The following KPNA1 variants were observed in gnomAD, a reference collection of about 807,000 sequenced individuals.
KPNA1 encodes the protein importin subunit alpha-5.
Under a neutral mutation model 70.5 loss-of-function variants are expected in KPNA1, and 10 were observed. The ratio of observed to expected loss-of-function variants is 0.14; its 90% CI spans 0.09 to 0.24. KPNA1 has a LOEUF of 0.24. Among genes scored for constraint, KPNA1 ranks in the 10% least tolerant of loss-of-function variants. The pLI is 1.00. For missense variants in KPNA1, 397 were observed against 637.9 expected (o/e 0.62, Z 4.07); for synonymous variants, 192 against 221.9 (o/e 0.87, Z 1.20).
At chr3:122,512,812 A>T (rs1389864147) in intron 1 of KPNA1, among the ~76,000 whole-genome samples, 1 of 152,206 alleles carries the variant, frequency 6.6e-6, no homozygotes, top group Non-Finnish European at 1.5e-5. Flanking sequence ...GTTTTCATAA[A>T]TGTATGTTTT....
At chr3:122,439,048 A>G (rs1307269427) in intron 10 of KPNA1, among the ~76,000 whole-genome samples, 4 of 152,260 alleles carry the variant, frequency 2.6e-5, no homozygotes, top group Non-Finnish European at 4.4e-5. Flanking sequence ...AATGCAAATT[A>G]AAATGAAGTC....
intron 10 of KPNA1, among the ~76,000 whole-genome samples, chr3:122,437,971 T>C (rs1054023522): frequency 9.2e-5 from 14 of 152,252 alleles, no homozygotes; most frequent in South Asian, 2.1e-4. Flanking sequence ...CTTGTGGCTA[T>C]GACAGAACTG....
At position 122,465,117 on chromosome 3, in the gene KPNA1, T is replaced by C. The variant is rs183236198; in HGVS notation, c.238-1076A>G. Among the ~76,000 whole-genome samples the C allele has an allele frequency of 1.8e-3, 276 of 151,664 alleles. 1 individual carries two copies. Among genetic ancestry groups the C allele is most frequent in the Admixed American group, 3.4e-3 (51 of 15,132 alleles). The stretch of plus-strand genomic sequence containing the variant: ...GACTTTACATTACACTATTTAAGTA[T>C]TGTTAACTTTACATTATAATATTTA... On this transcript the variant is annotated intron_variant, in intron 3 of 13. Transcript: ENST00000344337.
chr3:122,444,536 C>T (rs2076110126), intron 9 of KPNA1, among the ~76,000 whole-genome samples: 2 of 152,186 alleles, frequency 1.3e-5, no homozygotes, highest in South Asian at 4.1e-4. Flanking sequence ...TCCATGAAAT[C>T]TTTACAATTT....
At chr3:122,436,945 T>A (rs978249725) in intron 11 of KPNA1, among the ~76,000 whole-genome samples, 1 of 152,018 alleles carries the variant, frequency 6.6e-6, no homozygotes, top group Non-Finnish European at 1.5e-5. Context: ...GACTGGCTAA[T>A]TTTTTTGTAT....
Position 122,425,592 on chromosome 3 carries a change from A to AT in KPNA1, c.*1392dup, listed in dbSNP as rs781412002. On this transcript the variant is annotated 3_prime_UTR_variant, in exon 14 of 14. Transcript: ENST00000344337. ...TGCAGTTGTCTTGGCAATTAAGCGTATTTTTTCATTCCAGTCCAAGCACAA... is the reference window on the plus strand; with the variant it reads ...TGCAGTTGTCTTGGCAATTAAGCGTATTTTTTTCATTCCAGTCCAAGCACAA... 7 of 152,424 alleles carry AT rather than the reference A, an allele frequency of 4.6e-5. No individual in the cohort carries two copies. Among genetic ancestry groups the AT allele is most frequent in the Non-Finnish European group, 1.0e-4 (7 of 68,018 alleles). 9.4% of individuals were successfully genotyped at this position (152,424 alleles called of 1,614,324 possible). A position where few individuals can be genotyped will look rare whatever the true frequency, so the allele number is the denominator to read the frequency against.
intron 10 of KPNA1, among the ~76,000 whole-genome samples, chr3:122,440,687 T>A (rs1290074924): frequency 1.3e-5 from 2 of 152,222 alleles, no homozygotes; most frequent in Non-Finnish European, 2.9e-5. Flanking sequence ...AAACATATAT[T>A]CTTTTCTTCT....
intron 1 of KPNA1, among the ~76,000 whole-genome samples, chr3:122,505,809 C>T (rs1240850065): frequency 6.6e-6 from 1 of 152,188 alleles, no homozygotes; most frequent in Non-Finnish European, 1.5e-5. Flanking sequence ...CCGATCTATT[C>T]CCACTGCCAC....
intron 2 of KPNA1, among the ~76,000 whole-genome samples, chr3:122,468,680 A>T (rs2076408660): frequency 6.6e-6 from 1 of 152,254 alleles, no homozygotes; most frequent in Non-Finnish European, 1.5e-5. Context: ...AACTACGATT[A>T]ATATGCTAAG....
At chr3:122,444,081 CT>C (rs1321762111) in intron 9 of KPNA1, among the ~76,000 whole-genome samples, 1 of 152,214 alleles carries the variant, frequency 6.6e-6, no homozygotes, top group Non-Finnish European at 1.5e-5. Flanking sequence ...AGGCCGCCCC[CT>C]GGGAATGCAT....
chr3:122,440,824 G>A (rs1043451130), intron 10 of KPNA1, among the ~76,000 whole-genome samples: 4 of 152,176 alleles, frequency 2.6e-5, no homozygotes, highest in African/African-American at 9.7e-5. Flanking sequence ...CAGGTTTCAG[G>A]GGAACTGATG....
chr3:122,441,266 A>C (rs561855007), intron 10 of KPNA1, among the ~76,000 whole-genome samples: 9 of 152,372 alleles, frequency 5.9e-5, no homozygotes, highest in African/African-American at 1.7e-4. Context: ...AAATATGGCT[A>C]GAACAATGCA....
At chr3:122,471,417 A>G (rs1332487416) in intron 2 of KPNA1, among the ~76,000 whole-genome samples, 5 of 152,246 alleles carry the variant, frequency 3.3e-5, no homozygotes, top group Middle Eastern at 3.2e-3. Context: ...TAAAGACTAA[A>G]AGAGACTGTC....
At chr3:122,476,537 C>G (rs1409164901) in intron 2 of KPNA1, among the ~76,000 whole-genome samples, 1 of 151,740 alleles carries the variant, frequency 6.6e-6, no homozygotes, top group African/African-American at 2.4e-5. Flanking sequence ...GGGTTAATAT[C>G]CAAAATATAT....
At chr3:122,436,000 C>A (rs1215663031) in intron 11 of KPNA1, among the ~76,000 whole-genome samples, 1 of 152,190 alleles carries the variant, frequency 6.6e-6, no homozygotes, top group African/African-American at 2.4e-5. Context: ...GCTATTATTT[C>A]TCTTCTTACA....
At chr3:122,446,902 A>C (rs946220950) in intron 9 of KPNA1, among the ~76,000 whole-genome samples, 41 of 152,264 alleles carry the variant, frequency 2.7e-4, no homozygotes, top group Non-Finnish European at 5.0e-4. Context: ...CTCTACACAA[A>C]TAAACTAGAA....
At chr3:122,434,577 C>T (rs972097462) in intron 11 of KPNA1, among the ~76,000 whole-genome samples, 1 of 152,186 alleles carries the variant, frequency 6.6e-6, no homozygotes, top group African/African-American at 2.4e-5. Flanking sequence ...TTCACAAAGG[C>T]TATTAATTTA....
intron 1 of KPNA1, among the ~76,000 whole-genome samples, chr3:122,501,432 A>G (rs1349272570): frequency 2.0e-5 from 3 of 152,156 alleles, no homozygotes; most frequent in South Asian, 2.1e-4. Context: ...CATTTATCCC[A>G]AAGTGTTTTC....
intron 10 of KPNA1, among the ~76,000 whole-genome samples, chr3:122,438,282 C>G (rs2076015929): frequency 6.6e-6 from 1 of 152,170 alleles, no homozygotes; most frequent in African/African-American, 2.4e-5. Flanking sequence ...TTCCTGAGAC[C>G]TCCCCAGAAG....
Sources: gnomAD v4.1 joint callset for allele counts (sites outside exome capture counted in the v4.1 genomes callset) on GRCh38, gnomAD v4.1.1 for gene constraint, MANE v1.5 for transcripts, NCBI Gene and HGNC (gene_info 2026-07-23, HGNC 2026-07-21) for gene names.